The following THBS4 variants were observed in gnomAD, a reference collection of about 807,000 sequenced individuals.
THBS4 encodes thrombospondin 4, also known as thrombospondin-4.
A neutral mutation model predicts 115.7 loss-of-function variants in THBS4; 90 were observed. The observed-to-expected ratio is 0.78, with a 90% CI of 0.66 to 0.93. THBS4 has a LOEUF of 0.93. Ranked by LOEUF, THBS4 falls within the 40% of genes least tolerant of loss-of-function variation. The probability of loss-of-function intolerance (pLI) is 0.00; values close to 1 mark genes in which losing one functional copy is unlikely to be tolerated. For synonymous variants in THBS4, 460 were observed against 479.3 expected, an observed-to-expected ratio of 0.96 and a Z score of 0.53; for missense variants, 1,087 against 1,232.7, an observed-to-expected ratio of 0.88 and a Z score of 1.77.
intron 1 of THBS4, among the ~76,000 whole-genome samples, chr5:80,039,673 C>T (rs1016784011): frequency 6.6e-6 from 1 of 152,208 alleles, no homozygotes; most frequent in Non-Finnish European, 1.5e-5. Context: ...GCCTATGGGA[C>T]TCCGTGACAG....
At chr5:80,044,784 G>A (rs184129955) in intron 2 of THBS4, among the ~76,000 whole-genome samples, 22 of 152,128 alleles carry the variant, frequency 1.4e-4, no homozygotes, top group Admixed American at 1.4e-3. Context: ...TAGGATGTAA[G>A]AGGATACAGG....
At chr5:80,058,930 C>T in intron 5 of THBS4, 140 bp downstream of exon 5, 1 of 739,780 alleles carries the variant, frequency 1.4e-6, no homozygotes, top group South Asian at 1.8e-5. Flanking sequence ...CCCCGCACGC[C>T]AGGGCTCTGC....
intron 1 of THBS4, among the ~76,000 whole-genome samples, chr5:79,994,667 A>G (rs933715197): frequency 6.6e-6 from 1 of 152,198 alleles, no homozygotes; most frequent in Non-Finnish European, 1.5e-5. Context: ...ATAGCTGGGC[A>G]TGATGGTGTG....
intron 15 of THBS4, among the ~76,000 whole-genome samples, chr5:80,075,571 A>G (rs1743163446): frequency 1.3e-5 from 2 of 152,206 alleles, no homozygotes; most frequent in Non-Finnish European, 2.9e-5. Context: ...TCCCTGGTGC[A>G]GGTCATCTTG....
chr5:80,032,384 C>G (rs1372679903), upstream of THBS4, among the ~76,000 whole-genome samples: 1 of 152,056 alleles, frequency 6.6e-6, no homozygotes, highest in African/African-American at 2.4e-5. Flanking sequence ...TATTGTGTGC[C>G]TATATGTGTG....
chr5:80,028,615 T>C (rs183483323), intron 2 of THBS4, among the ~76,000 whole-genome samples: 165 of 152,070 alleles, frequency 1.1e-3, no homozygotes, highest in African/African-American at 3.9e-3. Context: ...CCCACCACCA[T>C]GCCCAGCTAA....
At chr5:80,079,374 G>C in intron 19 of THBS4, 116 bp downstream of exon 19, 1 of 1,142,314 alleles carries the variant, frequency 8.8e-7, no homozygotes, top group African/African-American at 1.6e-5. Context: ...ATGCATTTAT[G>C]CTAACGTTAG....
In THBS4 at chr5:80,076,982, G is replaced by A. The variant is rs369102765; in HGVS notation, c.2020G>A (p.Asp674Asn). The change falls in exon 16 of 22, where the codon GAC becomes AAC. Residue 674 changes from aspartate to asparagine, a missense_variant. By Grantham distance (23) the Asp-to-Asn change is conservative. Transcript: ENST00000350881. ...DDDDDNDGIP[D>N]LVPPGPDNCR... ...TGATGATGACAATGATGGTATCCCAGACCTGGTGCCCCCTGGACCAGACAA... is the reference window on the plus strand; with the variant it reads ...TGATGATGACAATGATGGTATCCCAAACCTGGTGCCCCCTGGACCAGACAA... 6.2e-7 allele frequency: 1 copy of A among 1,613,538 alleles called. No homozygotes were observed. The highest frequency in any genetic ancestry group is 1.3e-5 in the African/African-American group (1 of 74,896).
intron 3 of THBS4, among the ~76,000 whole-genome samples, chr5:80,057,982 CA>C (rs1391511697): frequency 6.6e-6 from 1 of 152,198 alleles, no homozygotes; most frequent in Non-Finnish European, 1.5e-5. Context: ...GTCTTGGTGA[CA>C]ATGCCAGCAT....
rs910199595 is a variant in THBS4, at chr5:80,074,740, C to T, written c.1892+1413C>T. Among the ~76,000 whole-genome samples the T allele has an allele frequency of 9.2e-5, 14 of 151,948 alleles. No individual in the cohort carries two copies. The East Asian group carries it at 9.7e-4, about 11-fold the overall frequency. On this transcript the variant is annotated intron_variant, in intron 15 of 21. Coordinates refer to ENST00000350881, the MANE Select transcript of THBS4 (RefSeq NM_003248.6). The stretch of plus-strand genomic sequence containing the variant: ...GCAATTCTCATGCCTCAGACTCCCA[C>T]GTACCTGGGATTACAGGTGTGTGCC...
At chr5:80,048,347 G>GT (rs1833141333) in intron 2 of THBS4, among the ~76,000 whole-genome samples, 1 of 152,162 alleles carries the variant, frequency 6.6e-6, no homozygotes, top group South Asian at 2.1e-4. Flanking sequence ...AAATGTGCTG[G>GT]TAGAGGCTGC....
intron 10 of THBS4, 95 bp downstream of exon 10, chr5:80,068,220 CAA>C: frequency 6.9e-7 from 1 of 1,447,756 alleles, no homozygotes; most frequent in East Asian, 2.3e-5. Context: ...AAAAGTACTC[CAA>C]AATGAAAGCA....
At chr5:80,077,904 C>A (rs908196580) in intron 16 of THBS4, 145 bp from the exon 17 acceptor site, 26 of 656,356 alleles carry the variant, frequency 4.0e-5, no homozygotes, top group African/African-American at 9.3e-5. Flanking sequence ...GTCCCCAGGG[C>A]TCCTCTCCCA....
At chr5:80,054,510 G>A (rs568760928) in intron 2 of THBS4, among the ~76,000 whole-genome samples, 3 of 151,660 alleles carry the variant, frequency 2.0e-5, no homozygotes, top group Non-Finnish European at 2.9e-5. Flanking sequence ...TACTAGAGAC[G>A]GGGTTTCACC....
chr5:80,004,721 C>A (rs896718825), intron 2 of THBS4, among the ~76,000 whole-genome samples: 2 of 152,046 alleles, frequency 1.3e-5, no homozygotes, highest in Admixed American at 1.3e-4. Flanking sequence ...GAATAAAAAA[C>A]AATTTATTTA....
rs534437540 is a variant in THBS4 at position 80,056,684 on chromosome 5, G to A, written c.540+652G>A. On this transcript the variant is annotated intron_variant, in intron 3 of 21. Coordinates refer to ENST00000350881, the MANE Select transcript of THBS4 (RefSeq NM_003248.6). ...GTGCTTTGTTTTCTATAAAGAACTA[G>A]TATTCTTTGTCCTTTCCAATAATGT... 5.3e-4 allele frequency among the ~76,000 whole-genome samples: 80 copies of A among 151,920 alleles called. 1 individual carries two copies. The highest frequency in any genetic ancestry group is 1.7e-3 in the Admixed American group (26 of 15,286).
At chr5:80,020,225 G>A (rs1832335756) in intron 2 of THBS4, among the ~76,000 whole-genome samples, 1 of 152,156 alleles carries the variant, frequency 6.6e-6, no homozygotes. Context: ...TGTAATCCCA[G>A]CACTTTGGGA....
chr5:80,005,762 ATTTTTTTTTT>A (rs567389394), intron 2 of THBS4, among the ~76,000 whole-genome samples: 1 of 119,872 alleles, frequency 8.3e-6, no homozygotes, highest in Non-Finnish European at 1.7e-5. Flanking sequence ...TGTTTGTGGC[ATTTTTTTTTT>A]TTTTTTTTTT....
intron 2 of THBS4, among the ~76,000 whole-genome samples, chr5:80,049,406 C>G (rs1017932687): frequency 6.6e-6 from 1 of 152,086 alleles, no homozygotes; most frequent in African/African-American, 2.4e-5. Flanking sequence ...CGCCACCACG[C>G]CCACCTAATT....
Sources: allele counts gnomAD v4.1 joint callset (sites outside exome capture counted in the v4.1 genomes callset), GRCh38; gene constraint gnomAD v4.1.1; transcripts MANE v1.5; gene names NCBI Gene and HGNC (gene_info 2026-07-23, HGNC 2026-07-21).